The following GALNTL6 variants were observed in gnomAD, a reference collection of about 807,000 sequenced individuals.
GALNTL6 encodes the protein polypeptide N-acetylgalactosaminyltransferase like 6, also known as polypeptide N-acetylgalactosaminyltransferase-like 6.
A neutral mutation model predicts 73.7 loss-of-function variants in GALNTL6; 46 were observed. The observed-to-expected ratio is 0.62, with a 90% CI of 0.49 to 0.80. The LOEUF (loss-of-function observed/expected upper bound fraction) is 0.80, where lower values mean the gene tolerates loss of function less well. GALNTL6 is among the 30% of genes least tolerant of loss of function. The pLI is 0.00. For synonymous variants in GALNTL6, 259 were observed against 263.7 expected (o/e 0.98, Z 0.17); for missense variants, 604 against 755.0 (o/e 0.80, Z 2.34).
intron 5 of GALNTL6, among the ~76,000 whole-genome samples, chr4:172,625,283 A>G (rs1200381220): frequency 6.6e-6 from 1 of 151,958 alleles, no homozygotes; most frequent in Admixed American, 6.6e-5. Flanking sequence ...ACTCCCACTT[A>G]TAAGTGAGAA....
intron 5 of GALNTL6, among the ~76,000 whole-genome samples, chr4:172,423,623 C>T (rs544884494): frequency 1.1e-4 from 17 of 152,156 alleles, no homozygotes; most frequent in Admixed American, 5.9e-4. Context: ...CCTCCACTTA[C>T]GTTTTAGTAA....
At chr4:172,062,815 G>A (rs1307884570) in intron 2 of GALNTL6, among the ~76,000 whole-genome samples, 1 of 152,194 alleles carries the variant, frequency 6.6e-6, no homozygotes, top group African/African-American at 2.4e-5. Context: ...CTCCTGCCAA[G>A]TCCCCCTATC....
chr4:172,233,819 T>C (rs1737154336), intron 3 of GALNTL6, among the ~76,000 whole-genome samples: 1 of 152,064 alleles, frequency 6.6e-6, no homozygotes, highest in African/African-American at 2.4e-5. Context: ...CACAAAAAAA[T>C]GGGAATTTTT....
intron 7 of GALNTL6, among the ~76,000 whole-genome samples, chr4:172,821,305 A>G (rs1209040585): frequency 3.9e-5 from 6 of 152,348 alleles, no homozygotes; most frequent in Middle Eastern, 6.8e-3. Context: ...CAGATTTCAA[A>G]TCTTAGCTTT....
chr4:171,842,118 T>C (rs527983208), intron 2 of GALNTL6, among the ~76,000 whole-genome samples: 3 of 152,124 alleles, frequency 2.0e-5, no homozygotes, highest in Non-Finnish European at 4.4e-5. Flanking sequence ...GTTTTGTCAT[T>C]ATGAAGTTCC....
At chr4:172,659,925 C>A (rs1272005259) in intron 5 of GALNTL6, among the ~76,000 whole-genome samples, 1 of 152,156 alleles carries the variant, frequency 6.6e-6, no homozygotes, top group African/African-American at 2.4e-5. Flanking sequence ...CAGTTTCTTA[C>A]AACACATCTC....
intron 2 of GALNTL6, among the ~76,000 whole-genome samples, chr4:172,021,473 T>G (rs1192262260): frequency 1.3e-5 from 2 of 152,080 alleles, no homozygotes; most frequent in Non-Finnish European, 2.9e-5. Context: ...ATATTCCATG[T>G]CCATTGTTTG....
intron 3 of GALNTL6, among the ~76,000 whole-genome samples, chr4:172,229,999 T>C (rs541624416): frequency 6.6e-6 from 1 of 152,186 alleles, no homozygotes; most frequent in East Asian, 1.9e-4. Flanking sequence ...AAGAAATATA[T>C]AGTACTATAT....
intron 9 of GALNTL6, among the ~76,000 whole-genome samples, chr4:172,948,626 T>C (rs1200805424): frequency 4.6e-5 from 7 of 151,142 alleles, no homozygotes; most frequent in Admixed American, 4.6e-4. Flanking sequence ...TAATTTTTTT[T>C]TTTTTTTTGT....
At chr4:172,629,182 GT>G (rs1379163837) in intron 5 of GALNTL6, among the ~76,000 whole-genome samples, 1 of 152,100 alleles carries the variant, frequency 6.6e-6, no homozygotes, top group Non-Finnish European at 1.5e-5. Context: ...GTGTCTGTGT[GT>G]TTTCTTCTGT....
intron 2 of GALNTL6, among the ~76,000 whole-genome samples, chr4:172,032,741 G>GT (rs1054674843): frequency 6.6e-6 from 1 of 151,796 alleles, no homozygotes; most frequent in Non-Finnish European, 1.5e-5. Context: ...GCATTAGAAT[G>GT]TTTTTTTCCA....
intron 2 of GALNTL6, among the ~76,000 whole-genome samples, chr4:171,892,914 C>A (rs956468525): frequency 6.6e-5 from 10 of 152,092 alleles, no homozygotes; most frequent in African/African-American, 2.4e-5. Flanking sequence ...TTAGCTGCAA[C>A]TTTTAATACT....
chr4:172,571,072 C>T (rs552454002), intron 5 of GALNTL6, among the ~76,000 whole-genome samples: 1 of 152,146 alleles, frequency 6.6e-6, no homozygotes, highest in Non-Finnish European at 1.5e-5. Flanking sequence ...ACTGCTTACC[C>T]CCCAGTGCGT....
At chr4:171,944,813 T>C (rs1738655397) in intron 2 of GALNTL6, among the ~76,000 whole-genome samples, 1 of 149,914 alleles carries the variant, frequency 6.7e-6, no homozygotes, top group South Asian at 2.1e-4. Context: ...CAAAGATACT[T>C]AAAAAAAAAA....
chr4:172,817,012 G>A (rs1446726607), intron 7 of GALNTL6, among the ~76,000 whole-genome samples: 3 of 151,348 alleles, frequency 2.0e-5, no homozygotes, highest in Non-Finnish European at 2.9e-5. Context: ...GGAGGCTGAG[G>A]CAGGAGAATT....
intron 8 of GALNTL6, among the ~76,000 whole-genome samples, chr4:172,898,501 A>G (rs1044591334): frequency 6.6e-6 from 1 of 151,646 alleles, no homozygotes; most frequent in African/African-American, 2.4e-5. Context: ...TTTTTCCTTC[A>G]TTACAGTCAT....
At chr4:171,815,758 A>G (rs1734509252) in intron 2 of GALNTL6, among the ~76,000 whole-genome samples, 1 of 152,344 alleles carries the variant, frequency 6.6e-6, no homozygotes, top group East Asian at 1.9e-4. Flanking sequence ...AATATATAGT[A>G]ATGGCCATTA....
intron 5 of GALNTL6, among the ~76,000 whole-genome samples, chr4:172,604,361 G>A (rs1468696265): frequency 6.6e-6 from 1 of 152,066 alleles, no homozygotes; most frequent in Non-Finnish European, 1.5e-5. Context: ...TATCAAAGAG[G>A]AATATTCTGG....
intron 5 of GALNTL6, among the ~76,000 whole-genome samples, chr4:172,584,043 TGTAAGGCACTATG>T (rs1426402803): frequency 6.6e-6 from 1 of 152,042 alleles, no homozygotes; most frequent in African/African-American, 2.4e-5. Context: ...ATCTAATTTG[TGTAAGGCACTATG>T]GTATAAGACA....
Sources: gnomAD v4.1 joint callset for allele counts (sites outside exome capture counted in the v4.1 genomes callset) on GRCh38, gnomAD v4.1.1 for gene constraint, MANE v1.5 for transcripts, NCBI Gene and HGNC (gene_info 2026-07-23, HGNC 2026-07-21) for gene names.